Variants in LRP4 observed in about 807,000 individuals in gnomAD.
LRP4 encodes LDL receptor related protein 4, also known as low-density lipoprotein receptor-related protein 4.
In LRP4, 95 loss-of-function variants were observed where a neutral mutation model predicts 220.3. That is an observed-to-expected ratio of 0.43 (90% CI 0.37 to 0.51). The LOEUF is 0.51. LRP4 is among the 20% of genes least tolerant of loss of function. The probability of loss-of-function intolerance (pLI) is 0.00; values close to 1 mark genes in which losing one functional copy is unlikely to be tolerated. For synonymous variants in LRP4, 903 were observed against 954.6 expected, an observed-to-expected ratio of 0.95 and a Z score of 1.00; for missense variants, 1,925 against 2,567.0, an observed-to-expected ratio of 0.75 and a Z score of 5.40.
intron 13 of LRP4, 106 bp downstream of exon 13, chr11:46,892,867 G>A (rs942925405): frequency 2.0e-5 from 29 of 1,426,578 alleles, no homozygotes; most frequent in Non-Finnish European, 2.7e-5. Flanking sequence ...ACCGCGCCCA[G>A]CTACACCACA....
rs1375253617 is a variant in LRP4, at chr11:46,873,417, C to T, written c.4406G>A (p.Ser1469Asn). Residue 1469 changes from serine (S) to asparagine (N), a missense_variant, in exon 29 of 38, where the codon AGC becomes AAC. Around this residue, in one of 3 missense-constraint regions of LRP4, gnomAD observed 1,244 missense variants for 1,624.9 expected, o/e 0.77. Transcript: ENST00000378623. This position sits in a 1 kb window ranked among gnomAD's most constrained non-coding sequence, Gnocchi z 4.2. ...AGCAATGGCCCGGGGCTCATCCAGG[C>T]TATTGTTGATCAGTACTTTGCGGCA... The part of the protein sequence containing the change: ...GSCRKVLINN[S>N]LDEPRAIAVF... 8 of 1,614,076 alleles carry T rather than the reference C, an allele frequency of 5.0e-6. No homozygotes were observed. The highest frequency in any genetic ancestry group is 6.8e-6 in the Non-Finnish European group (8 of 1,180,038).
intron 34 of LRP4, 56 bp downstream of exon 34, chr11:46,867,923 T>C: frequency 1.9e-5 from 30 of 1,611,962 alleles, no homozygotes; most frequent in Non-Finnish European, 2.5e-5. Context: ...TATGAGTTGG[T>C]CATGGGATGG....
At chr11:46,892,940 C>T (rs185203110) in intron 13 of LRP4, 33 bp downstream of exon 13, 1 of 1,610,144 alleles carries the variant, frequency 6.2e-7, no homozygotes, top group Non-Finnish European at 8.5e-7. Flanking sequence ...CGAGAGGTTG[C>T]AAGAAAGTTC....
Position 46,859,177 on chromosome 11 carries a change from A to G in LRP4, c.5524T>C (p.Cys1842Arg), listed in dbSNP as rs769426991. Residue 1842 changes from cysteine to arginine, a missense_variant, in exon 38 of 38, where the codon TGC becomes CGC. This residue lies in a region of LRP4 where 1,244 missense variants were observed against 1,624.9 expected (regional missense o/e 0.77). Coordinates refer to ENST00000378623, the MANE Select transcript of LRP4 (RefSeq NM_002334.4). The stretch of plus-strand genomic sequence containing the variant: ...ATGGACACCGTGTCTGTCTTCATGC[A>G]TACATGATCCCGGAGGAGGCCCCCC... Reference protein sequence around the residue: ...SRGGLLRDHVCMKTDTVSIQA... With the variant: ...SRGGLLRDHVRMKTDTVSIQA... The G allele has an allele frequency of 6.2e-7, 1 of 1,614,170 alleles. No individual in the cohort carries two copies. The highest frequency in any genetic ancestry group is 1.7e-5 in the Admixed American group (1 of 60,030).
At chr11:46,905,367 C>T (rs1941742981) in intron 1 of LRP4, among the ~76,000 whole-genome samples, 1 of 152,160 alleles carries the variant, frequency 6.6e-6, no homozygotes, top group South Asian at 2.1e-4. Context: ...TGATGGGACT[C>T]CCCGGTACAC....
Position 46,899,726 on chromosome 11 carries a change from C to G in LRP4, c.430+137G>C. On this transcript the variant is annotated intron_variant, in intron 4 of 37. Coordinates refer to ENST00000378623, the MANE Select transcript of LRP4 (RefSeq NM_002334.4). The surrounding 1 kb of genome is among the most constrained non-coding windows in gnomAD (Gnocchi z 5.9). ...TGGGGGGTCTGAGCGGCTCTGCCCC[C>G]TCTGCGTTCCTCTAGCTGCTCCAGA... 1 of 849,892 alleles carries G rather than the reference C, an allele frequency of 1.2e-6. No homozygotes were observed. The highest frequency in any genetic ancestry group is 2.0e-6 in the Non-Finnish European group (1 of 501,784). 52.6% of individuals were successfully genotyped at this position (849,892 alleles called of 1,614,324 possible). A position where few individuals can be genotyped will look rare whatever the true frequency, so the allele number is the denominator to read the frequency against.
At chr11:46,895,402 G>C in intron 10 of LRP4, 111 bp from the exon 11 acceptor site, 1 of 1,455,120 alleles carries the variant, frequency 6.9e-7, no homozygotes, top group Non-Finnish European at 9.5e-7. Context: ...TCCAGGCCTA[G>C]TGGGAAGGCT....
Position 46,889,832 on chromosome 11 carries a change from A to AT in LRP4, c.2092+111dup, listed in dbSNP as rs983683716. The AT allele has an allele frequency of 6.4e-6, 8 of 1,242,978 alleles. No individual in the cohort carries two copies. In the African/African-American group the frequency reaches 7.4e-5, roughly 11 times the overall value. 77.0% of individuals were successfully genotyped at this position (1,242,978 alleles called of 1,614,324 possible). Reference sequence around the variant, plus strand: ...TTAGCCCATGTCAGTGCCCTGCTGGATTTCCCCATCAGAAGAAATGGCAAC... The same window carrying AT: ...TTAGCCCATGTCAGTGCCCTGCTGGATTTTCCCCATCAGAAGAAATGGCAAC... On this transcript the variant is annotated intron_variant, in intron 15 of 37. Coordinates refer to ENST00000378623, the MANE Select transcript of LRP4 (RefSeq NM_002334.4).
In LRP4 at chr11:46,877,490, C is replaced by T. The variant is rs1941049785; in HGVS notation, c.3137-151G>A. On this transcript the variant is annotated intron_variant, in intron 22 of 37. Transcript: ENST00000378623. The stretch of plus-strand genomic sequence containing the variant: ...TTTAAATTATTATTATTTTTTGAGA[C>T]AGGGTCTTGCTGTGTCGCCCAGGCT... 1.2e-5 allele frequency: 11 copies of T among 907,896 alleles called. 1 individual carries two copies. The South Asian group carries it at 1.6e-4, about 13-fold the overall frequency. The allele number at this position is 907,896 out of a possible 1,614,324, so 56.2% of individuals were successfully genotyped here.
At chr11:46,860,947 C>G (rs1180839862) in intron 37 of LRP4, 3 of 985,102 alleles carry the variant, frequency 3.0e-6, no homozygotes, top group Non-Finnish European at 3.6e-6. Flanking sequence ...AAGAGGAAAT[C>G]AGAAGAGAAA....
chr11:46,896,727 A>T, intron 8 of LRP4, 142 bp downstream of exon 8: 1 of 1,231,264 alleles, frequency 8.1e-7, no homozygotes, highest in Non-Finnish European at 1.2e-6. Context: ...GCTCCAGGCC[A>T]TAAGGCCGCA....
In LRP4 at chr11:46,868,702, A is replaced by G. The variant is rs777534564; in HGVS notation, c.4849T>C (p.Cys1617Arg). 5.0e-6 allele frequency: 8 copies of G among 1,613,054 alleles called. No homozygotes were observed. Among genetic ancestry groups the G allele is most frequent in the Non-Finnish European group, 6.8e-6 (8 of 1,179,004 alleles). ...SPQRQTGTNA[C>R]GVNNGGCTHL... Reference sequence around the variant, plus strand: ...GTGCAGCCACCATTGTTCACACCACAGGCATTGGTCCCTGGAGGCAAAGTA... The same window carrying G: ...GTGCAGCCACCATTGTTCACACCACGGGCATTGGTCCCTGGAGGCAAAGTA... The change falls in exon 33 of 38, where the codon TGT becomes CGT. Residue 1617 changes from cysteine (C) to arginine (R), a missense_variant. Coordinates refer to ENST00000378623, the MANE Select transcript of LRP4 (RefSeq NM_002334.4).
In LRP4 at chr11:46,871,669, G is replaced by A. The variant is rs2306030; in HGVS notation, c.4584-36C>T. On this transcript the variant is annotated intron_variant, in intron 30 of 37. Coordinates refer to ENST00000378623, the MANE Select transcript of LRP4 (RefSeq NM_002334.4). Reference sequence around the variant, plus strand: ...AATGAAAAGAGTGGCTGCTCCAAACGCTTGCCAGGGAGCCCAGCTCTTCCC... The same window carrying A: ...AATGAAAAGAGTGGCTGCTCCAAACACTTGCCAGGGAGCCCAGCTCTTCCC... 1.4e-3 allele frequency: 1,996 copies of A among 1,380,270 alleles called. 25 individuals are homozygous for A. The African/African-American group carries it at 0.023, about 16-fold the overall frequency. 85.5% of individuals were successfully genotyped at this position (1,380,270 alleles called of 1,614,324 possible). A position where few individuals can be genotyped will look rare whatever the true frequency, so the allele number is the denominator to read the frequency against.
At chr11:46,916,765 G>A (rs1250059965) in intron 1 of LRP4, among the ~76,000 whole-genome samples, 1 of 152,072 alleles carries the variant, frequency 6.6e-6, no homozygotes, top group African/African-American at 2.4e-5. Flanking sequence ...TCCTCCAGGG[G>A]GCTGAGAGGA....
intron 36 of LRP4, 53 bp from the exon 37 acceptor site, chr11:46,862,800 C>G (rs1450057138): frequency 6.5e-7 from 1 of 1,547,214 alleles, no homozygotes; most frequent in Non-Finnish European, 8.9e-7. Context: ...GGGGATGATA[C>G]CTGGGAAAGC....
rs11039017 is a variant in LRP4, at chr11:46,884,287, A to G, written c.2507-311T>C. 0.16 allele frequency among the ~76,000 whole-genome samples: 24,779 copies of G among 152,174 alleles called. 2,753 individuals are homozygous for G. The highest frequency in any genetic ancestry group is 0.61 in the East Asian group (3,151 of 5,162). Reference sequence around the variant, plus strand: ...TGTTAAAACACAGATTTCTGAACCTAACACCCAAAGATTTTTTTTAAAATA... The same window carrying G: ...TGTTAAAACACAGATTTCTGAACCTGACACCCAAAGATTTTTTTTAAAATA... On this transcript the variant is annotated intron_variant, in intron 18 of 37. Coordinates refer to ENST00000378623, the MANE Select transcript of LRP4 (RefSeq NM_002334.4).
chr11:46,910,886 G>A (rs1941848494), intron 1 of LRP4, among the ~76,000 whole-genome samples: 2 of 151,996 alleles, frequency 1.3e-5, no homozygotes, highest in African/African-American at 4.8e-5. Context: ...ACATTGACCA[G>A]GCTGGTCTCA....
intron 2 of LRP4, among the ~76,000 whole-genome samples, chr11:46,901,756 G>A (rs536046701): frequency 2.2e-4 from 33 of 151,448 alleles, no homozygotes; most frequent in African/African-American, 7.0e-4. Context: ...TTTTTTAGAC[G>A]GAGTCTCGCT....
Position 46,873,147 on chromosome 11 carries a change from T to C in LRP4, c.4536A>G (p.Thr1512=), listed in dbSNP as rs144169411. Residue 1512 remains threonine, a synonymous_variant, in exon 30 of 38, where the codon ACA becomes ACG. Coordinates refer to ENST00000378623, the MANE Select transcript of LRP4 (RefSeq NM_002334.4). The surrounding 1 kb of genome is among the most constrained non-coding windows in gnomAD (Gnocchi z 4.2). ...DGSERKVLIN[T]DLGWPNGLTL... ...TAAGGCCATTGGGCCAACCCAGGTC[T>C]GTGTTGATGAGGACCTTCCGCTCAG... 1.2e-6 allele frequency: 2 copies of C among 1,614,228 alleles called. No homozygotes were observed. The highest frequency in any genetic ancestry group is 2.2e-5 in the South Asian group (2 of 91,078).
Sources: allele counts gnomAD v4.1 joint callset (sites outside exome capture counted in the v4.1 genomes callset), GRCh38; gene constraint gnomAD v4.1.1; regional missense constraint gnomAD v4.1.1; non-coding constraint Gnocchi (gnomAD v3.1); transcripts MANE v1.5; gene names NCBI Gene and HGNC (gene_info 2026-07-23, HGNC 2026-07-21).